The following CLNK variants were observed in gnomAD, a reference collection of about 807,000 sequenced individuals.
CLNK encodes cytokine-dependent hematopoietic cell linker.
Under a neutral mutation model 68.6 loss-of-function variants are expected in CLNK, and 74 were observed. The observed-to-expected ratio is 1.08, with a 90% CI of 0.89 to 1.31. CLNK has a LOEUF of 1.31. CLNK is among the 50% of genes most tolerant of loss of function. The pLI, the probability that CLNK is intolerant of heterozygous loss-of-function variation, is 0.00. For missense variants in CLNK, 553 were observed against 515.3 expected, an observed-to-expected ratio of 1.07 and a Z score of -0.71; for synonymous variants, 198 against 172.2, an observed-to-expected ratio of 1.15 and a Z score of -1.17.
At position 10,626,908 on chromosome 4, in the gene CLNK, C is replaced by A. The variant is rs564414862; in HGVS notation, c.12-28859G>T. Reference sequence around the variant, plus strand: ...GAGTAGGCTGCTTAATGTCTCCCTACCTCAGTTTCTTCACCTGTAAAACAG... The same window carrying A: ...GAGTAGGCTGCTTAATGTCTCCCTAACTCAGTTTCTTCACCTGTAAAACAG... On this transcript the variant is annotated intron_variant, in intron 2 of 18. Transcript: ENST00000226951. Among the ~76,000 whole-genome samples the A allele has an allele frequency of 1.1e-4, 16 of 152,214 alleles. No homozygotes were observed. In the South Asian group the frequency reaches 3.3e-3, roughly 32 times the overall value.
chr4:10,555,262 A>ATTCATTCT (rs1577126534), intron 8 of CLNK, among the ~76,000 whole-genome samples: 1 of 151,906 alleles, frequency 6.6e-6, no homozygotes, highest in East Asian at 1.9e-4. Flanking sequence ...ATTCTTGTAT[A>ATTCATTCT]TGGTATGCTT....
At chr4:10,600,592 C>T (rs1721556438) in intron 2 of CLNK, among the ~76,000 whole-genome samples, 1 of 152,152 alleles carries the variant, frequency 6.6e-6, no homozygotes, top group African/African-American at 2.4e-5. Flanking sequence ...AGATTGTAGC[C>T]TGGGCATCTT....
intron 8 of CLNK, among the ~76,000 whole-genome samples, chr4:10,555,316 A>G (rs1719621972): frequency 6.6e-6 from 1 of 152,162 alleles, no homozygotes; most frequent in South Asian, 2.1e-4. Context: ...TTTGGTTCAC[A>G]TCTACGGCAA....
chr4:10,732,489 G>A, the CLNK span, among the ~76,000 whole-genome samples: 2 of 152,190 alleles, frequency 1.3e-5, no homozygotes, highest in African/African-American at 4.8e-5. Flanking sequence ...GTGGTGAGAC[G>A]AGGGGGTTTT....
At chr4:10,679,219 A>C (rs1304101847) in intron 1 of CLNK, among the ~76,000 whole-genome samples, 9 of 152,218 alleles carry the variant, frequency 5.9e-5, no homozygotes, top group African/African-American at 2.2e-4. Flanking sequence ...CCACATATCT[A>C]CAACTATCTG....
At position 10,490,474 on chromosome 4, in the gene CLNK, G is replaced by T. The variant is rs771600707; in HGVS notation, c.1280C>A (p.Pro427His). 1 of 1,613,474 alleles carries T rather than the reference G, an allele frequency of 6.2e-7. No homozygotes were observed. Among genetic ancestry groups the T allele is most frequent in the South Asian group, 1.1e-5 (1 of 90,846 alleles). The part of the protein sequence containing the change: ...QPLPLTRHLL[P>H]L ...GATAACACAAAGACCAGGCTACAGAGGCAAGAGGTGTCTGGTGAGAGGGAG... is the reference window on the plus strand; with the variant it reads ...GATAACACAAAGACCAGGCTACAGATGCAAGAGGTGTCTGGTGAGAGGGAG... The change falls in exon 19 of 19, where the codon CCT (proline) becomes CAT (histidine). Residue 427 changes from proline (P) to histidine (H), a missense_variant. Physicochemically the swap from Pro to His is moderately conservative, Grantham distance 77. Transcript: ENST00000226951.
the CLNK span, among the ~76,000 whole-genome samples, chr4:10,690,940 T>C: frequency 6.6e-6 from 1 of 152,092 alleles, no homozygotes; most frequent in East Asian, 1.9e-4. Context: ...TAAGAGAAAG[T>C]GCAGTGCAAC....
In CLNK at chr4:10,532,086, T is replaced by C. The variant is rs79651229; in HGVS notation, c.630+170A>G. On this transcript the variant is annotated intron_variant, in intron 12 of 18. Coordinates refer to ENST00000226951, the MANE Select transcript of CLNK (RefSeq NM_052964.4). The stretch of plus-strand genomic sequence containing the variant: ...TTGGTTTAAAATCTGGAGCTAAGCT[T>C]GTTTTACTTTGGCTTTCTTATCTTT... The C allele has an allele frequency of 7.7e-3, 5,177 of 674,476 alleles. 119 individuals are homozygous for C. Among genetic ancestry groups the C allele is most frequent in the African/African-American group, 0.045 (2,526 of 55,854 alleles). 41.8% of individuals were successfully genotyped at this position (674,476 alleles called of 1,614,324 possible). A position where few individuals can be genotyped will look rare whatever the true frequency, so the allele number is the denominator to read the frequency against.
chr4:10,542,156 CAT>C, intron 9 of CLNK, 97 bp downstream of exon 9: 1 of 1,208,674 alleles, frequency 8.3e-7, no homozygotes, highest in African/African-American at 1.5e-5. Flanking sequence ...ACTTATAAGA[CAT>C]ATTTTTCTAG....
intron 2 of CLNK, among the ~76,000 whole-genome samples, chr4:10,608,316 A>G (rs997822120): frequency 6.6e-6 from 1 of 152,214 alleles, no homozygotes; most frequent in African/African-American, 2.4e-5. Context: ...TTGCTCATGC[A>G]GTCTCCTCGG....
At chr4:10,686,777 A>G (rs1725287438), upstream of CLNK, among the ~76,000 whole-genome samples, 1 of 152,114 alleles carries the variant, frequency 6.6e-6, no homozygotes, top group Non-Finnish European at 1.5e-5. Context: ...TTCACATCCA[A>G]TTGGTGGCTA....
chr4:10,582,261 C>T (rs1577145230), intron 4 of CLNK, among the ~76,000 whole-genome samples: 1 of 152,200 alleles, frequency 6.6e-6, no homozygotes, highest in African/African-American at 2.4e-5. Flanking sequence ...AAACAGCCAG[C>T]AGGAGGCATT....
intron 11 of CLNK, among the ~76,000 whole-genome samples, chr4:10,537,679 C>CT: frequency 7.6e-4 from 35 of 46,140 alleles, no homozygotes; most frequent in African/African-American, 2.8e-3. Context: ...TTCTTTCTTT[C>CT]TTCCTTCCTT....
chr4:10,526,140 A>G (rs964706416), intron 13 of CLNK, among the ~76,000 whole-genome samples: 18 of 152,162 alleles, frequency 1.2e-4, no homozygotes, highest in African/African-American at 4.3e-4. Context: ...CACTTTTAAT[A>G]TTTACAAGCT....
In CLNK at chr4:10,584,952, T is replaced by A. The variant is rs1349443500; in HGVS notation, c.87A>T (p.Ser29=). Residue 29 remains serine, a synonymous_variant, in exon 4 of 19, where the codon TCA becomes TCT. Coordinates refer to ENST00000226951, the MANE Select transcript of CLNK (RefSeq NM_052964.4). The part of the protein sequence containing the change: ...FQNFSLPKNR[S]WPRINSATGQ... ...CTGTGGCACTATTGATGCGAGGCCATGACCTAGGGCAGAAAAGAGAACCAA... is the reference window on the plus strand; with the variant it reads ...CTGTGGCACTATTGATGCGAGGCCAAGACCTAGGGCAGAAAAGAGAACCAA... 7 of 1,613,694 alleles carry A rather than the reference T, an allele frequency of 4.3e-6. No individual in the cohort carries two copies. Among genetic ancestry groups the A allele is most frequent in the Non-Finnish European group, 5.9e-6 (7 of 1,179,794 alleles).
chr4:10,504,559 C>G (rs1251944200), intron 17 of CLNK, among the ~76,000 whole-genome samples: 1 of 152,184 alleles, frequency 6.6e-6, no homozygotes, highest in Non-Finnish European at 1.5e-5. Context: ...AAAAGCCAAA[C>G]CAAATTCTCA....
intron 2 of CLNK, among the ~76,000 whole-genome samples, chr4:10,638,878 T>C (rs566827795): frequency 1.3e-5 from 2 of 152,240 alleles, no homozygotes; most frequent in Non-Finnish European, 2.9e-5. Flanking sequence ...TGGTCCCCTC[T>C]GAACGTCTGT....
the CLNK span, among the ~76,000 whole-genome samples, chr4:10,700,792 GGT>G: frequency 2.4e-3 from 370 of 152,192 alleles, 1 homozygote; most frequent in African/African-American, 8.5e-3. Flanking sequence ...AAAGAAACAT[GGT>G]TTTGTGTAAA....
chr4:10,630,364 A>G (rs192961965), intron 2 of CLNK, among the ~76,000 whole-genome samples: 181 of 152,348 alleles, frequency 1.2e-3, no homozygotes, highest in Admixed American at 2.5e-3. Flanking sequence ...AAAAATGGAG[A>G]TTCATGAAAG....
Sources: gnomAD v4.1 joint callset for allele counts (sites outside exome capture counted in the v4.1 genomes callset) on GRCh38, gnomAD v4.1.1 for gene constraint, MANE v1.5 for transcripts, NCBI Gene and HGNC (gene_info 2026-07-23, HGNC 2026-07-21) for gene names.